IGF2BP2: variants seen among roughly 807,000 people sequenced by gnomAD.
IGF2BP2 encodes insulin-like growth factor 2 mRNA-binding protein 2.
IGF2BP2 carries 17 observed loss-of-function variants against 75.8 expected under a neutral mutation model. That is an observed-to-expected ratio of 0.22 (90% CI 0.15 to 0.34). IGF2BP2 has a LOEUF of 0.34. Ranked by LOEUF, IGF2BP2 falls within the 10% of genes least tolerant of loss-of-function variation. The pLI, the probability that IGF2BP2 is intolerant of heterozygous loss-of-function variation, is 1.00. For synonymous variants in IGF2BP2, 288 were observed against 295.6 expected (o/e 0.97, Z 0.26); for missense variants, 516 against 772.4 (o/e 0.67, Z 3.93).
At chr3:185,778,009 G>A (rs1295418591) in intron 2 of IGF2BP2, among the ~76,000 whole-genome samples, 1 of 151,390 alleles carries the variant, frequency 6.6e-6, no homozygotes, top group Non-Finnish European at 1.5e-5. Context: ...GCAAGAGTGA[G>A]ACTCCGTCAA....
chr3:185,713,501 G>A (rs1308318509), intron 2 of IGF2BP2: 1 of 519,756 alleles, frequency 1.9e-6, no homozygotes, highest in South Asian at 1.4e-5. Context: ...AAGTAAGATA[G>A]ACTCCAAAGG....
At chr3:185,813,716 C>G (rs1740222490) in intron 2 of IGF2BP2, among the ~76,000 whole-genome samples, 1 of 152,208 alleles carries the variant, frequency 6.6e-6, no homozygotes, top group Admixed American at 6.5e-5. Context: ...GCTGCACATT[C>G]CAAGTAAGTG....
intron 2 of IGF2BP2, 124 bp downstream of exon 2, chr3:185,823,029 A>C (rs113672528): frequency 0.03 from 17,572 of 595,480 alleles, 380 homozygotes; most frequent in African/African-American, 0.066. Context: ...ATGTATCTCC[A>C]CTAACAAAAC....
intron 1 of IGF2BP2, 38 bp downstream of exon 1, chr3:185,824,745 G>T: frequency 7.8e-7 from 1 of 1,274,346 alleles, no homozygotes; most frequent in Non-Finnish European, 1.0e-6. Flanking sequence ...GGCCTGAGCG[G>T]GGCGAGGCGG....
At chr3:185,748,839 G>A (rs1383947995) in intron 2 of IGF2BP2, among the ~76,000 whole-genome samples, 1 of 152,210 alleles carries the variant, frequency 6.6e-6, no homozygotes, top group African/African-American at 2.4e-5. Flanking sequence ...TTGTTTTAAA[G>A]TAAAAATCAT....
chr3:185,700,737 G>A (rs1723178015), intron 2 of IGF2BP2, among the ~76,000 whole-genome samples: 1 of 152,156 alleles, frequency 6.6e-6, no homozygotes, highest in South Asian at 2.1e-4. Context: ...TCACGAATGA[G>A]CACAGAGAGA....
intron 9 of IGF2BP2, among the ~76,000 whole-genome samples, chr3:185,674,552 A>T (rs1388879706): frequency 2.0e-5 from 3 of 152,222 alleles, no homozygotes; most frequent in Non-Finnish European, 4.4e-5. Context: ...GTCTGCTACA[A>T]ATATACAGTA....
intron 2 of IGF2BP2, among the ~76,000 whole-genome samples, chr3:185,816,002 C>T (rs796890280): frequency 5.3e-5 from 8 of 152,226 alleles, no homozygotes; most frequent in Admixed American, 1.3e-4. Context: ...CAGAAAGTGA[C>T]GTAGAGAAAG....
intron 2 of IGF2BP2, chr3:185,729,666 C>T (rs1727874800): frequency 6.6e-6 from 1 of 152,198 alleles, no homozygotes; most frequent in African/African-American, 2.4e-5. Flanking sequence ...CGTTCATATG[C>T]TTTCAGATAC....
In IGF2BP2 at chr3:185,658,428, A is replaced by G; in HGVS notation, c.1201-19T>C. 8 of 1,610,064 alleles carry G rather than the reference A, an allele frequency of 5.0e-6. No individual in the cohort carries two copies. Among genetic ancestry groups the G allele is most frequent in the Non-Finnish European group, 6.8e-6 (8 of 1,177,098 alleles). ...AGTGGGTCTGCAGCATGAGAGAAAG[A>G]GTCAGTGGGCGGGTGCTCTCAGGGA... On this transcript the variant is annotated intron_variant, in intron 10 of 15. Coordinates refer to ENST00000382199, the MANE Select transcript of IGF2BP2 (RefSeq NM_006548.6).
intron 1 of IGF2BP2, 105 bp from the exon 2 acceptor site, chr3:185,823,318 G>T: frequency 1.3e-6 from 1 of 797,266 alleles, no homozygotes; most frequent in Non-Finnish European, 2.0e-6. Flanking sequence ...GCCTTCGGGC[G>T]CCCCCAAGGG....
intron 2 of IGF2BP2, among the ~76,000 whole-genome samples, chr3:185,795,279 T>A (rs1417154682): frequency 6.6e-6 from 1 of 152,198 alleles, no homozygotes; most frequent in Non-Finnish European, 1.5e-5. Flanking sequence ...TCATGGCTCA[T>A]CCATGTGGTA....
intron 10 of IGF2BP2, among the ~76,000 whole-genome samples, chr3:185,659,634 C>A (rs762866575): frequency 3.2e-4 from 48 of 152,026 alleles, no homozygotes; most frequent in Admixed American, 3.9e-4. Context: ...CCTTAGCCTC[C>A]CAAAGTGATA....
intron 2 of IGF2BP2, among the ~76,000 whole-genome samples, chr3:185,751,824 G>A (rs990707838): frequency 5.9e-5 from 9 of 151,638 alleles, no homozygotes; most frequent in East Asian, 2.0e-4. Flanking sequence ...TTAGCTGGGC[G>A]TGGTGGTGGG....
At chr3:185,775,497 G>T (rs1734429899) in intron 2 of IGF2BP2, among the ~76,000 whole-genome samples, 1 of 152,138 alleles carries the variant, frequency 6.6e-6, no homozygotes, top group South Asian at 2.1e-4. Context: ...GATGTACATA[G>T]GATCTTGACA....
At chr3:185,675,951 G>C (rs112563525) in intron 7 of IGF2BP2, 38 bp from the exon 8 acceptor site, 1 of 1,597,008 alleles carries the variant, frequency 6.3e-7, no homozygotes, top group Non-Finnish European at 8.5e-7. Context: ...CTTCAGATAC[G>C]TATAACGGTT....
At position 185,683,130 on chromosome 3, in the gene IGF2BP2, T is replaced by A. The variant is rs74933941; in HGVS notation, c.812+3927A>T. ...TTGGCCATAAAAAGGAAGGAAAGCC[T>A]GTTACATGCTATAACATGAACCTTG... On this transcript the variant is annotated intron_variant, in intron 7 of 15. Coordinates refer to ENST00000382199, the MANE Select transcript of IGF2BP2 (RefSeq NM_006548.6). 8.6e-4 allele frequency among the ~76,000 whole-genome samples: 131 copies of A among 152,346 alleles called. 2 individuals carry two copies. The East Asian group carries it at 0.013, about 15-fold the overall frequency.
rs1365194342 is a variant in IGF2BP2, at chr3:185,708,486, C to T, written c.240-10139G>A. Reference sequence around the variant, plus strand: ...ACTCTTTGCTCCTCAAAAGGATTTACTTAAATATAAATGCCCTTTAGAGGG... The same window carrying T: ...ACTCTTTGCTCCTCAAAAGGATTTATTTAAATATAAATGCCCTTTAGAGGG... On this transcript the variant is annotated intron_variant, in intron 2 of 15. Coordinates refer to ENST00000382199, the MANE Select transcript of IGF2BP2 (RefSeq NM_006548.6). Among the ~76,000 whole-genome samples the T allele has an allele frequency of 2.0e-5, 3 of 152,252 alleles. No individual in the cohort carries two copies. In the East Asian group the frequency reaches 5.8e-4, roughly 29 times the overall value.
At chr3:185,791,323 G>A (rs777792904) in intron 2 of IGF2BP2, among the ~76,000 whole-genome samples, 3 of 152,204 alleles carry the variant, frequency 2.0e-5, no homozygotes, top group African/African-American at 2.4e-5. Flanking sequence ...TTTCACATAA[G>A]TTCTAGCTGT....
Sources: allele counts gnomAD v4.1 joint callset (sites outside exome capture counted in the v4.1 genomes callset), GRCh38; gene constraint gnomAD v4.1.1; transcripts MANE v1.5; gene names NCBI Gene and HGNC (gene_info 2026-07-23, HGNC 2026-07-21).